The following RTN4IP1 variants were observed in gnomAD, a reference collection of about 807,000 sequenced individuals.
RTN4IP1 encodes the protein reticulon 4 interacting protein 1.
Under a neutral mutation model 46.6 loss-of-function variants are expected in RTN4IP1, and 32 were observed. The ratio of observed to expected loss-of-function variants is 0.69; its 90% CI spans 0.52 to 0.92. The LOEUF (loss-of-function observed/expected upper bound fraction) is 0.92, where lower values mean the gene tolerates loss of function less well. Ranked by LOEUF, RTN4IP1 falls within the 40% of genes least tolerant of loss-of-function variation. The pLI is 0.00. For missense variants in RTN4IP1, 424 were observed against 485.8 expected, an observed-to-expected ratio of 0.87 and a Z score of 1.20; for synonymous variants, 167 against 161.8, an observed-to-expected ratio of 1.03 and a Z score of -0.24.
rs532405958 is a variant in RTN4IP1 at position 106,580,603 on chromosome 6, C to T, written c.1083+2725G>A. Among the ~76,000 whole-genome samples the T allele has an allele frequency of 2.8e-4, 43 of 151,638 alleles. No individual in the cohort carries two copies. The South Asian group carries it at 8.8e-3, about 31-fold the overall frequency. The stretch of plus-strand genomic sequence containing the variant: ...GTGTGGTGGTGGGCACCTGTAATCC[C>T]AGCTACTCAGGAGGCTGAGGCAGGA... On this transcript the variant is annotated intron_variant, in intron 8 of 8. Transcript: ENST00000369063.
At chr6:106,603,042 T>C in intron 4 of RTN4IP1, 120 bp from the exon 5 acceptor site, 1 of 677,602 alleles carries the variant, frequency 1.5e-6, no homozygotes, top group Non-Finnish European at 2.4e-6. Context: ...AAAATAAAGT[T>C]ATTCAGCTTC....
At chr6:106,584,294 G>A (rs72943093) in intron 7 of RTN4IP1, among the ~76,000 whole-genome samples, 39 of 152,238 alleles carry the variant, frequency 2.6e-4, no homozygotes, top group Non-Finnish European at 4.0e-4. Flanking sequence ...AACAGCAAAC[G>A]AGCTGAGGTT....
chr6:106,629,852 C>A, upstream of RTN4IP1: 1 of 973,660 alleles, frequency 1.0e-6, no homozygotes, highest in Admixed American at 2.4e-5. Context: ...CCTTTCGATT[C>A]TTCGGGTGTA....
chr6:106,628,955 T>G lies in RTN4IP1; in HGVS notation c.67A>C (p.Lys23Gln), dbSNP rs1395976529. 6.2e-7 allele frequency: 1 copy of G among 1,614,150 alleles called. No homozygotes were observed. Among genetic ancestry groups the G allele is most frequent in the Non-Finnish European group, 8.5e-7 (1 of 1,180,014 alleles). Residue 23 changes from lysine (K) to glutamine (Q), a missense_variant, in exon 1 of 9, where the codon AAA becomes CAA. By Grantham distance (53) the Lys-to-Gln change is moderately conservative. Transcript: ENST00000369063. ...CTAACTGAAGGCTTTTGGACAACTT[T>G]GCTTCTCCAGAAGCAAACCGCAGTG... is the stretch of plus-strand genomic sequence containing the variant. ...ACTAVCFWRS[K>Q]VVQKPSVRRI...
intron 8 of RTN4IP1, among the ~76,000 whole-genome samples, chr6:106,575,096 T>C (rs1775191309): frequency 6.6e-6 from 1 of 152,202 alleles, no homozygotes; most frequent in Admixed American, 6.5e-5. Flanking sequence ...CTAGAATACT[T>C]GTTTGTTAAG....
At chr6:106,589,652 T>C (rs1050512251) in intron 6 of RTN4IP1, among the ~76,000 whole-genome samples, 3 of 152,080 alleles carry the variant, frequency 2.0e-5, no homozygotes, top group East Asian at 1.9e-4. Flanking sequence ...TACAGCATCA[T>C]AGGGTTGGAC....
intron 8 of RTN4IP1, among the ~76,000 whole-genome samples, chr6:106,581,800 G>C (rs941256698): frequency 9.9e-5 from 15 of 152,208 alleles, no homozygotes; most frequent in African/African-American, 3.4e-4. Flanking sequence ...CAGAGAGAGA[G>C]TCACAATATT....
chr6:106,605,341 G>C (rs777084492), intron 4 of RTN4IP1, among the ~76,000 whole-genome samples: 1 of 151,536 alleles, frequency 6.6e-6, no homozygotes, highest in African/African-American at 2.4e-5. Context: ...CATGAGAATC[G>C]TTTGAACCCA....
At chr6:106,596,855 T>C (rs893125990) in intron 5 of RTN4IP1, among the ~76,000 whole-genome samples, 2 of 152,222 alleles carry the variant, frequency 1.3e-5, no homozygotes, top group African/African-American at 4.8e-5. Flanking sequence ...GCCTGTTTTG[T>C]TGTATAAAAG....
intron 3 of RTN4IP1, 98 bp from the exon 4 acceptor site, chr6:106,619,424 A>C: frequency 7.2e-7 from 1 of 1,393,216 alleles, no homozygotes; most frequent in Non-Finnish European, 9.9e-7. Context: ...CTGACCCTTG[A>C]ACAACAGGGG....
chr6:106,594,243 C>G (rs989367153), intron 5 of RTN4IP1, among the ~76,000 whole-genome samples: 4 of 152,172 alleles, frequency 2.6e-5, no homozygotes, highest in Non-Finnish European at 5.9e-5. Context: ...TGTGGTGGCT[C>G]ATACCTGTAA....
rs1213682224 is a variant in RTN4IP1 at position 106,583,146 on chromosome 6, T to C, written c.1083+182A>G. ...TTGTGCAGATGGAGCAGTCTGTGTC[T>C]ATGCCTCCCATGGAGACAGAACCAA... On this transcript the variant is annotated intron_variant, in intron 8 of 8. Transcript: ENST00000369063. Among the ~76,000 whole-genome samples, 9 of 152,340 alleles carry C rather than the reference T, an allele frequency of 5.9e-5. No individual in the cohort carries two copies. The East Asian group carries it at 1.7e-3, about 29-fold the overall frequency.
At chr6:106,602,956 T>A in intron 4 of RTN4IP1, 34 bp from the exon 5 acceptor site, 1 of 1,549,752 alleles carries the variant, frequency 6.5e-7, no homozygotes, top group Non-Finnish European at 8.8e-7. Flanking sequence ...TTAACGAGAA[T>A]CTAAAGCAGA....
intron 4 of RTN4IP1, among the ~76,000 whole-genome samples, chr6:106,616,786 A>C (rs1186807027): frequency 3.3e-5 from 5 of 152,250 alleles, no homozygotes; most frequent in African/African-American, 1.2e-4. Flanking sequence ...CTCACAAATA[A>C]GCAGTTAAAA....
intron 8 of RTN4IP1, among the ~76,000 whole-genome samples, chr6:106,574,043 T>C (rs1775156537): frequency 6.6e-6 from 1 of 152,236 alleles, no homozygotes; most frequent in Non-Finnish European, 1.5e-5. Flanking sequence ...CTGAGCTGGC[T>C]TGTGAGACGA....
intron 4 of RTN4IP1, among the ~76,000 whole-genome samples, chr6:106,613,060 T>C (rs1776269152): frequency 6.6e-6 from 1 of 152,202 alleles, no homozygotes; most frequent in Non-Finnish European, 1.5e-5. Context: ...GACATGTTTT[T>C]GTAAAATTTG....
At chr6:106,575,854 T>G (rs968000682) in intron 8 of RTN4IP1, among the ~76,000 whole-genome samples, 1 of 152,188 alleles carries the variant, frequency 6.6e-6, no homozygotes, top group Non-Finnish European at 1.5e-5. Context: ...GAAGTCACAG[T>G]CTATTCCACT....
intron 4 of RTN4IP1, among the ~76,000 whole-genome samples, chr6:106,604,083 G>A (rs1367376810): frequency 6.6e-6 from 1 of 152,130 alleles, no homozygotes; most frequent in Non-Finnish European, 1.5e-5. Flanking sequence ...CTTGGCTGCT[G>A]GAAAGTGCAG....
intron 8 of RTN4IP1, among the ~76,000 whole-genome samples, chr6:106,579,903 C>T (rs1226296062): frequency 6.6e-6 from 1 of 151,804 alleles, no homozygotes; most frequent in African/African-American, 2.4e-5. Context: ...CATGAGCCAC[C>T]ACGCCCAGCT....
Sources: gnomAD v4.1 joint callset for allele counts (sites outside exome capture counted in the v4.1 genomes callset) on GRCh38, gnomAD v4.1.1 for gene constraint, MANE v1.5 for transcripts, NCBI Gene and HGNC (gene_info 2026-07-23, HGNC 2026-07-21) for gene names.